Variants in KALRN observed in about 807,000 individuals in gnomAD.
KALRN encodes kalirin RhoGEF kinase, also known as kalirin.
In KALRN, 70 loss-of-function variants were observed where a neutral mutation model predicts 353.7. The ratio of observed to expected loss-of-function variants is 0.20; its 90% CI spans 0.16 to 0.24. KALRN has a LOEUF of 0.24. Among genes scored for constraint, KALRN ranks in the 10% least tolerant of loss-of-function variants. The pLI, the probability that KALRN is intolerant of heterozygous loss-of-function variation, is 1.00. For missense variants in KALRN, 2,791 were observed against 3,756.7 expected (o/e 0.74, Z 6.72); for synonymous variants, 1,391 against 1,434.8 (o/e 0.97, Z 0.69).
chr3:124,703,046 A>T (rs558359082), intron 57 of KALRN, among the ~76,000 whole-genome samples: 1 of 152,156 alleles, frequency 6.6e-6, no homozygotes, highest in South Asian at 2.1e-4. Context: ...TTCCCCCCGG[A>T]TGTATAAATA....
intron 1 of KALRN, among the ~76,000 whole-genome samples, chr3:124,068,736 A>G (rs371153871): frequency 2.6e-5 from 4 of 152,202 alleles, no homozygotes; most frequent in Non-Finnish European, 5.9e-5. Flanking sequence ...TTGAATAATG[A>G]TTATTGACAG....
At chr3:124,347,078 A>G in intron 9 of KALRN, 65 bp from the exon 10 acceptor site, 1 of 1,608,794 alleles carries the variant, frequency 6.2e-7, no homozygotes, top group Non-Finnish European at 8.5e-7. Context: ...TAGCAGTTGC[A>G]CATGTTGTCA....
At chr3:124,441,292 A>G (rs747421195) in intron 18 of KALRN, among the ~76,000 whole-genome samples, 29 of 152,220 alleles carry the variant, frequency 1.9e-4, no homozygotes. Flanking sequence ...GAGGAAAAGT[A>G]GGCTGAGAGT....
chr3:124,572,355 A>C (rs935364638), intron 34 of KALRN, among the ~76,000 whole-genome samples: 14 of 152,152 alleles, frequency 9.2e-5, no homozygotes, highest in African/African-American at 2.7e-4. Context: ...AAACAAAAAA[A>C]AAAACAGGTT....
chr3:124,666,905 A>G (rs60438234), intron 46 of KALRN, 107 bp from the exon 47 acceptor site: 1 of 1,227,842 alleles, frequency 8.1e-7, no homozygotes, highest in East Asian at 2.5e-5. Context: ...GATCCAGGGC[A>G]AAATTTGGAA....
At chr3:124,646,624 C>G (rs1660033) in intron 37 of KALRN, among the ~76,000 whole-genome samples, 11,112 of 151,192 alleles carry the variant, frequency 0.073, 665 homozygotes, top group African/African-American at 0.17. Context: ...CTCCTGACCT[C>G]AGGTTATCTG....
intron 1 of KALRN, among the ~76,000 whole-genome samples, chr3:124,121,875 GAC>G (rs1253150415): frequency 6.6e-6 from 1 of 152,194 alleles, no homozygotes; most frequent in African/African-American, 2.4e-5. Context: ...CCTGTTAGCA[GAC>G]ACTCAGAAAA....
intron 34 of KALRN, among the ~76,000 whole-genome samples, chr3:124,606,541 A>G (rs1578297062): frequency 6.6e-6 from 1 of 152,390 alleles, no homozygotes; most frequent in Non-Finnish European, 1.5e-5. Flanking sequence ...AAAGACAAAT[A>G]TAAAGCAGAG....
In KALRN at chr3:124,719,701, G is replaced by A. The variant is rs1026399966; in HGVS notation, c.*231G>A. ...TTCTGAAGAAATAAAGAGGCAAAGG[G>A]TCACAGAAGTGTTCAGAAGAAGGGC... is the stretch of plus-strand genomic sequence containing the variant. On this transcript the variant is annotated 3_prime_UTR_variant, in exon 60 of 60. Transcript: ENST00000682506. This position sits in a 1 kb window ranked among gnomAD's most constrained non-coding sequence, Gnocchi z 5.3. 4.0e-6 allele frequency: 2 copies of A among 500,598 alleles called. No individual in the cohort carries two copies. The highest frequency in any genetic ancestry group is 3.8e-5 in the African/African-American group (2 of 52,288). 31.0% of individuals were successfully genotyped at this position (500,598 alleles called of 1,614,324 possible). A position where few individuals can be genotyped will look rare whatever the true frequency, so the allele number is the denominator to read the frequency against.
At position 124,649,571 on chromosome 3, in the gene KALRN, C is replaced by T. The variant is rs577295424; in HGVS notation, c.5665-1237C>T. On this transcript the variant is annotated intron_variant, in intron 37 of 59. Coordinates refer to ENST00000682506, the MANE Select transcript of KALRN (RefSeq NM_001388419.1). Reference sequence around the variant, plus strand: ...GGAGTATCACTTGAGCCCAGGAGTTCAAGACCAGCCTGGGCAATGTAATGA... The same window carrying T: ...GGAGTATCACTTGAGCCCAGGAGTTTAAGACCAGCCTGGGCAATGTAATGA... Among the ~76,000 whole-genome samples, 5 of 151,964 alleles carry T rather than the reference C, an allele frequency of 3.3e-5. No homozygotes were observed. The East Asian group carries it at 9.7e-4, about 29-fold the overall frequency.
chr3:124,687,126 T>C (rs1376538031), intron 51 of KALRN, among the ~76,000 whole-genome samples: 1 of 152,016 alleles, frequency 6.6e-6, no homozygotes, highest in Non-Finnish European at 1.5e-5. Flanking sequence ...TCAGAACAAA[T>C]GTTAATCTGT....
chr3:124,678,282 A>G lies in KALRN; in HGVS notation c.7286A>G (p.Lys2429Arg). 4.3e-6 allele frequency: 7 copies of G among 1,614,042 alleles called. No homozygotes were observed. Among genetic ancestry groups the G allele is most frequent in the Non-Finnish European group, 5.9e-6 (7 of 1,179,928 alleles). The change falls in exon 50 of 60, where the codon AAG (lysine) becomes AGG (arginine). Residue 2429 changes from lysine (K) to arginine (R), a missense_variant. Transcript: ENST00000682506. ...GAAGCCACAGGGCCTCGTAAACCCA[A>G]GGATATTCTGGGCAACAAAGTCTCT... ...KNEATGPRKPKDILGNKVSVK... is the reference protein window; with the variant it reads ...KNEATGPRKPRDILGNKVSVK...
intron 37 of KALRN, among the ~76,000 whole-genome samples, chr3:124,648,072 G>T (rs1422447884): frequency 6.6e-6 from 1 of 152,214 alleles, no homozygotes. Context: ...GGCCACCACT[G>T]CCTGTTTTCT....
chr3:124,385,091 TC>T (rs2088015326), intron 11 of KALRN, 55 bp downstream of exon 11: 1 of 1,487,948 alleles, frequency 6.7e-7, no homozygotes, highest in Admixed American at 2.0e-5. Context: ...CAGGTCGGCT[TC>T]CTAGTAAAAT....
intron 13 of KALRN, among the ~76,000 whole-genome samples, chr3:124,412,598 A>G (rs2092257759): frequency 6.6e-6 from 1 of 152,234 alleles, no homozygotes; most frequent in Non-Finnish European, 1.5e-5. Flanking sequence ...TTTAGTCTCG[A>G]TTTGCAGAAA....
chr3:124,583,723 A>G (rs2074841918), intron 34 of KALRN, among the ~76,000 whole-genome samples: 1 of 152,216 alleles, frequency 6.6e-6, no homozygotes, highest in African/African-American at 2.4e-5. Context: ...TAGGCAAGGA[A>G]AAAGTCTGAA....
At chr3:124,600,245 T>C (rs1486824730) in intron 34 of KALRN, among the ~76,000 whole-genome samples, 1 of 152,258 alleles carries the variant, frequency 6.6e-6, no homozygotes, top group Non-Finnish European at 1.5e-5. Flanking sequence ...CTGTTTCCTC[T>C]CATTGTAACA....
chr3:124,216,564 T>A (rs1346843060), intron 1 of KALRN, among the ~76,000 whole-genome samples: 1 of 152,220 alleles, frequency 6.6e-6, no homozygotes, highest in Non-Finnish European at 1.5e-5. Flanking sequence ...TAGGCCTGCT[T>A]CAGTTTGTCA....
intron 47 of KALRN, among the ~76,000 whole-genome samples, chr3:124,668,116 T>A (rs936743001): frequency 6.7e-6 from 1 of 148,192 alleles, no homozygotes; most frequent in Non-Finnish European, 1.5e-5. Flanking sequence ...GTATACCACC[T>A]CTTCCTGCCT....
Sources: allele counts gnomAD v4.1 joint callset (sites outside exome capture counted in the v4.1 genomes callset), GRCh38; gene constraint gnomAD v4.1.1; non-coding constraint Gnocchi (gnomAD v3.1); transcripts MANE v1.5; gene names NCBI Gene and HGNC (gene_info 2026-07-23, HGNC 2026-07-21).